The following RTL10 variants were observed in gnomAD, a reference collection of about 807,000 sequenced individuals.
RTL10 encodes the protein protein Bop.
For missense variants in RTL10, 477 were observed against 470.7 expected (o/e 1.01, Z -0.12); for synonymous variants, 199 against 188.4 (o/e 1.06, Z -0.46).
In RTL10 at chr22:19,850,953, G is replaced by A; in HGVS notation, c.*214C>T. 8.7e-6 allele frequency: 12 copies of A among 1,374,580 alleles called. No individual in the cohort carries two copies. The highest frequency in any genetic ancestry group is 1.1e-5 in the Non-Finnish European group (12 of 1,068,028). 85.1% of individuals were successfully genotyped at this position (1,374,580 alleles called of 1,614,324 possible). A position where few individuals can be genotyped will look rare whatever the true frequency, so the allele number is the denominator to read the frequency against. On this transcript the variant is annotated 3_prime_UTR_variant, in exon 3 of 3. Transcript: ENST00000328554. The stretch of plus-strand genomic sequence containing the variant: ...GCAGGGATGCAGCAGAGAGCCAGCA[G>A]CAGGGAAAGGGCACAGGGCGGAGGT...
rs568843963 is a variant in RTL10 at position 19,849,051 on chromosome 22, G to C, written c.*2116C>G. The C allele has an allele frequency of 2.0e-6, 2 of 985,366 alleles. No individual in the cohort carries two copies. The highest frequency in any genetic ancestry group is 9.4e-5 in the South Asian group (2 of 21,288). 61.0% of individuals were successfully genotyped at this position (985,366 alleles called of 1,614,324 possible). A position where few individuals can be genotyped will look rare whatever the true frequency, so the allele number is the denominator to read the frequency against. On this transcript the variant is annotated 3_prime_UTR_variant, in exon 3 of 3. Transcript: ENST00000328554. The stretch of plus-strand genomic sequence containing the variant: ...AGGGGGGATGGGGCCTGAGTCATCG[G>C]ACGGAGGGCAGCTGTGACCTGGCAC...
rs1354292642 is a variant in RTL10, at chr22:19,849,138, GA to G, written c.*2028del. On this transcript the variant is annotated 3_prime_UTR_variant, in exon 3 of 3. Transcript: ENST00000328554. ...CTCACATCTGACCAGAATCAAGACTGAAAATGGGTTTCTTCTGCCAGCTCAC... is the reference window on the plus strand; with the variant it reads ...CTCACATCTGACCAGAATCAAGACTGAAATGGGTTTCTTCTGCCAGCTCAC... The G allele has an allele frequency of 3.0e-6, 3 of 985,382 alleles. No homozygotes were observed. The highest frequency in any genetic ancestry group is 1.2e-6 in the Non-Finnish European group (1 of 829,872). The allele number at this position is 985,382 out of a possible 1,614,324, so 61.0% of individuals were successfully genotyped here.
At position 19,851,916 on chromosome 22, in the gene RTL10, G is replaced by A. The variant is rs745483692; in HGVS notation, c.346C>T (p.Arg116Cys). Residue 116 changes from arginine to cysteine, a missense_variant, in exon 3 of 3, where the codon CGC (arginine) becomes TGC (cysteine). Transcript: ENST00000328554. ...TAATCGCCCAGCTGGGCCAAGAAGC[G>A]GTCCAGTAGCCACGGGGAGCCATCA... ...TFDGSPWLLD[R>C]FLAQLGDYMS... 2.0e-5 allele frequency: 33 copies of A among 1,613,990 alleles called. No individual in the cohort carries two copies. The highest frequency in any genetic ancestry group is 4.4e-5 in the South Asian group (4 of 91,094).
intron 2 of RTL10, among the ~76,000 whole-genome samples, chr22:19,853,251 C>T (rs1938152108): frequency 6.9e-6 from 1 of 145,436 alleles, no homozygotes; most frequent in South Asian, 2.1e-4. Context: ...AATCCTGGAA[C>T]CCCACTTGCT....
In RTL10 at chr22:19,848,440, G is replaced by A; in HGVS notation, c.*2727C>T. On this transcript the variant is annotated 3_prime_UTR_variant, in exon 3 of 3. Coordinates refer to ENST00000328554, the MANE Select transcript of RTL10 (RefSeq NM_024627.6). The stretch of plus-strand genomic sequence containing the variant: ...AAAGCAGCTTGGTCATCATCTGTCT[G>A]AAAGCAGGTGCTGCAGCAGCTGGCA... 1 of 985,496 alleles carries A rather than the reference G, an allele frequency of 1.0e-6. No individual in the cohort carries two copies. Among genetic ancestry groups the A allele is most frequent in the Non-Finnish European group, 1.2e-6 (1 of 829,988 alleles). The allele number at this position is 985,496 out of a possible 1,614,324, so 61.0% of individuals were successfully genotyped here.
chr22:19,854,195 A>C (rs1938180145), intron 2 of RTL10, among the ~76,000 whole-genome samples: 1 of 152,134 alleles, frequency 6.6e-6, no homozygotes, highest in African/African-American at 2.4e-5. Context: ...GCCCTTCTAG[A>C]CTGGACAGCA....
In RTL10 at chr22:19,850,476, G is replaced by T; in HGVS notation, c.*691C>A. On this transcript the variant is annotated 3_prime_UTR_variant, in exon 3 of 3. Coordinates refer to ENST00000328554, the MANE Select transcript of RTL10 (RefSeq NM_024627.6). ...CACCAGGCACGATTAGAGCTACAGT[G>T]TTAACACACAAAGGGCGAATGCCTG... is the stretch of plus-strand genomic sequence containing the variant. The T allele has an allele frequency of 9.8e-7, 1 of 1,015,342 alleles. No homozygotes were observed. The highest frequency in any genetic ancestry group is 1.7e-5 in the African/African-American group (1 of 58,606). 62.9% of individuals were successfully genotyped at this position (1,015,342 alleles called of 1,614,324 possible). A position where few individuals can be genotyped will look rare whatever the true frequency, so the allele number is the denominator to read the frequency against.
rs1009320072 is a variant in RTL10 at position 19,847,265 on chromosome 22, T to C, written c.*3902A>G. On this transcript the variant is annotated 3_prime_UTR_variant, in exon 3 of 3. Coordinates refer to ENST00000328554, the MANE Select transcript of RTL10 (RefSeq NM_024627.6). The stretch of plus-strand genomic sequence containing the variant: ...AGCAAGAAATAAGCAGTGCCAACTG[T>C]AGCCGCTGCGCTGTTGGAGATCTTT... 2.9e-5 allele frequency: 29 copies of C among 984,912 alleles called. No individual in the cohort carries two copies. The African/African-American group carries it at 4.5e-4, about 15-fold the overall frequency. 61.0% of individuals were successfully genotyped at this position (984,912 alleles called of 1,614,324 possible).
Position 19,849,354 on chromosome 22 carries a change from A to C in RTL10, c.*1813T>G. 1 of 950,304 alleles carries C rather than the reference A, an allele frequency of 1.1e-6. No individual in the cohort carries two copies. The highest frequency in any genetic ancestry group is 4.9e-5 in the South Asian group (1 of 20,586). 58.9% of individuals were successfully genotyped at this position (950,304 alleles called of 1,614,324 possible). A position where few individuals can be genotyped will look rare whatever the true frequency, so the allele number is the denominator to read the frequency against. ...CCAACAATTTATATTTTTCTAAATA[A>C]GGTTTTTGTTTTTTGTTGTTTTTTT... On this transcript the variant is annotated 3_prime_UTR_variant, in exon 3 of 3. Transcript: ENST00000328554.
Position 19,854,645 on chromosome 22 carries a change from A to G in RTL10, c.-323+15T>C, listed in dbSNP as rs1002983775. On this transcript the variant is annotated intron_variant, in intron 1 of 2. Transcript: ENST00000328554. ...CAAATGTCTCCAGGTGCCCCCACAA[A>G]CCCCCGGCGCGGACCGAGAAACTGA... 5 of 152,496 alleles carry G rather than the reference A, an allele frequency of 3.3e-5. No individual in the cohort carries two copies. Among genetic ancestry groups the G allele is most frequent in the Non-Finnish European group, 7.3e-5 (5 of 68,288 alleles). The allele number at this position is 152,496 out of a possible 1,614,324, so 9.4% of individuals were successfully genotyped here.
Position 19,852,315 on chromosome 22 carries a change from T to C in RTL10, c.-54A>G. ...AGCCAGCACTGGTGGGTGGTGGGGG[T>C]GTGGACAGATGTGGCTTGCACGACA... On this transcript the variant is annotated 5_prime_UTR_variant, in exon 3 of 3. Transcript: ENST00000328554. The C allele has an allele frequency of 6.5e-6, 10 of 1,540,328 alleles. No homozygotes were observed. The highest frequency in any genetic ancestry group is 8.8e-6 in the Non-Finnish European group (10 of 1,135,948).
chr22:19,851,706 C>CA lies in RTL10; in HGVS notation c.555dup (p.Ala186CysfsTer2), dbSNP rs771033342. On this transcript the variant is annotated frameshift_variant, in exon 3 of 3. Transcript: ENST00000328554. LOFTEE classifies it low-confidence loss of function (END_TRUNC). ...CAGGTAACCACAGCATGGTACTCAGCAAAACTGTTCGGGTCTTGAACAACT... is the reference window on the plus strand; with the variant it reads ...CAGGTAACCACAGCATGGTACTCAGCAAAAACTGTTCGGGTCTTGAACAACT... 6.7e-5 allele frequency: 107 copies of CA among 1,601,854 alleles called. No individual in the cohort carries two copies. In the South Asian group the frequency reaches 7.3e-4, roughly 11 times the overall value.
rs1021615900 is a variant in RTL10 at position 19,849,088 on chromosome 22, G to T, written c.*2079C>A. On this transcript the variant is annotated 3_prime_UTR_variant, in exon 3 of 3. Coordinates refer to ENST00000328554, the MANE Select transcript of RTL10 (RefSeq NM_024627.6). ...CTGTGACCTGGCACAGAAGCATGGG[G>T]CTGGGCCAGGACATCCAGGGACTTC... The T allele has an allele frequency of 1.0e-6, 1 of 985,404 alleles. No homozygotes were observed. Among genetic ancestry groups the T allele is most frequent in the East Asian group, 1.1e-4 (1 of 8,810 alleles). 61.0% of individuals were successfully genotyped at this position (985,404 alleles called of 1,614,324 possible).
chr22:19,847,599 C>CT lies in RTL10; in HGVS notation c.*3567_*3568insA, dbSNP rs1937990134. 1.0e-6 allele frequency: 1 copy of CT among 982,606 alleles called. No individual in the cohort carries two copies. The highest frequency in any genetic ancestry group is 1.8e-5 in the African/African-American group (1 of 56,644). The allele number at this position is 982,606 out of a possible 1,614,324, so 60.9% of individuals were successfully genotyped here. Reference sequence around the variant, plus strand: ...GCCAACCTCCAGTCCCTGCTCTAAACCCCCATGTAGTGGTACCGAACCATG... The same window carrying CT: ...GCCAACCTCCAGTCCCTGCTCTAAACTCCCCATGTAGTGGTACCGAACCATG... On this transcript the variant is annotated 3_prime_UTR_variant, in exon 3 of 3. Coordinates refer to ENST00000328554, the MANE Select transcript of RTL10 (RefSeq NM_024627.6).
At position 19,851,836 on chromosome 22, in the gene RTL10, G is replaced by A. The variant is rs770026588; in HGVS notation, c.426C>T (p.Ile142=). Residue 142 remains isoleucine (I), a synonymous_variant, in exon 3 of 3, where the codon ATC becomes ATT. Coordinates refer to ENST00000328554, the MANE Select transcript of RTL10 (RefSeq NM_024627.6). ...GGGCTCGGCCTGTTAGGCGCCTGAG[G>A]ATCTCGCAGACACGGCTGATGTTGT... ...YQDNISRVCE[I]LRRLTGRAQA... is the part of the protein sequence containing the mutation. 1.2e-6 allele frequency: 2 copies of A among 1,613,984 alleles called. No individual in the cohort carries two copies. Among genetic ancestry groups the A allele is most frequent in the Non-Finnish European group, 1.7e-6 (2 of 1,180,018 alleles).
rs1938117275 is a variant in RTL10 at position 19,852,035 on chromosome 22, G to A, written c.227C>T (p.Pro76Leu). ...STASGTCGGK[P>L]AERGPLAGHM... ...CCCAGCTAGGGGACCCCTTTCTGCA[G>A]GTTTACCGCCACAAGTGCCACTAGC... The change falls in exon 3 of 3, where the codon CCT becomes CTT. Residue 76 changes from proline (P) to leucine (L), a missense_variant. Transcript: ENST00000328554. 2 of 1,614,108 alleles carry A rather than the reference G, an allele frequency of 1.2e-6. No individual in the cohort carries two copies. The highest frequency in any genetic ancestry group is 1.3e-5 in the African/African-American group (1 of 74,954).
chr22:19,851,450 G>A lies in RTL10; in HGVS notation c.812C>T (p.Pro271Leu), dbSNP rs940655152. The change falls in exon 3 of 3, where the codon CCA becomes CTA. Residue 271 changes from proline to leucine, a missense_variant. Coordinates refer to ENST00000328554, the MANE Select transcript of RTL10 (RefSeq NM_024627.6). ...KESTPGPKEP[P>L]VLPSSTCSSK... The stretch of plus-strand genomic sequence containing the variant: ...GCTACATGTAGAACTGGGCAGGACT[G>A]GGGGCTCCTTGGGCCCAGGGGTGCT... 1.2e-6 allele frequency: 2 copies of A among 1,613,944 alleles called. No individual in the cohort carries two copies. Among genetic ancestry groups the A allele is most frequent in the Non-Finnish European group, 1.7e-6 (2 of 1,180,006 alleles).
chr22:19,849,907 C>A lies in RTL10; in HGVS notation c.*1260G>T. 1.0e-6 allele frequency: 1 copy of A among 985,518 alleles called. No individual in the cohort carries two copies. The highest frequency in any genetic ancestry group is 1.2e-6 in the Non-Finnish European group (1 of 830,002). The allele number at this position is 985,518 out of a possible 1,614,324, so 61.0% of individuals were successfully genotyped here. A position where few individuals can be genotyped will look rare whatever the true frequency, so the allele number is the denominator to read the frequency against. ...CCTGTGGTAAACTTGGCTCCAGGAG[C>A]TTCCAAGCTCAGCTTCCACTAGAAA... On this transcript the variant is annotated 3_prime_UTR_variant, in exon 3 of 3. Coordinates refer to ENST00000328554, the MANE Select transcript of RTL10 (RefSeq NM_024627.6).
chr22:19,848,128 T>C lies in RTL10; in HGVS notation c.*3039A>G. ...ATATCCCATAGGACCTTATCCTTAG[T>C]ACTTCCTATTTTAAAGTTTTCCTTG... On this transcript the variant is annotated 3_prime_UTR_variant, in exon 3 of 3. Coordinates refer to ENST00000328554, the MANE Select transcript of RTL10 (RefSeq NM_024627.6). The C allele has an allele frequency of 1.0e-6, 1 of 984,468 alleles. No homozygotes were observed. Among genetic ancestry groups the C allele is most frequent in the Non-Finnish European group, 1.2e-6 (1 of 829,510 alleles). The allele number at this position is 984,468 out of a possible 1,614,324, so 61.0% of individuals were successfully genotyped here.
Sources: gnomAD v4.1 joint callset for allele counts (sites outside exome capture counted in the v4.1 genomes callset) on GRCh38, gnomAD v4.1.1 for gene constraint, MANE v1.5 for transcripts, NCBI Gene and HGNC (gene_info 2026-07-23, HGNC 2026-07-21) for gene names.